PBX1: variants seen among roughly 807,000 people sequenced by gnomAD.
PBX1 encodes pre-B-cell leukemia transcription factor 1.
In PBX1, 6 loss-of-function variants were observed where a neutral mutation model predicts 53.4. The observed-to-expected ratio is 0.11, with a 90% CI of 0.06 to 0.22. The LOEUF is 0.22. PBX1 is among the 10% of genes least tolerant of loss of function. PBX1 has a pLI of 1.00. For synonymous variants in PBX1, 204 were observed against 212.3 expected, an observed-to-expected ratio of 0.96 and a Z score of 0.34; for missense variants, 251 against 551.4, an observed-to-expected ratio of 0.46 and a Z score of 5.46.
intron 2 of PBX1, among the ~76,000 whole-genome samples, chr1:164,640,388 G>C (rs35910159): frequency 0.015 from 2,231 of 152,152 alleles, 60 homozygotes; most frequent in African/African-American, 0.051. Context: ...CTCAGAACAA[G>C]GTAGGTCAGG....
At chr1:164,841,609 A>G (rs1479073750) in intron 8 of PBX1, among the ~76,000 whole-genome samples, 2 of 152,146 alleles carry the variant, frequency 1.3e-5, no homozygotes, top group African/African-American at 4.8e-5. Context: ...GGGCTTTCCA[A>G]TAGCATCTTT....
intron 2 of PBX1, chr1:164,625,833 AC>A: frequency 6.7e-6 from 4 of 593,276 alleles, no homozygotes; most frequent in East Asian, 8.2e-5. Flanking sequence ...AAGAAAAAAA[AC>A]ACCTTACATG....
At chr1:164,838,074 G>T (rs1671125065) in intron 8 of PBX1, among the ~76,000 whole-genome samples, 1 of 152,226 alleles carries the variant, frequency 6.6e-6, no homozygotes, top group South Asian at 2.1e-4. Context: ...GCATTAGGAT[G>T]TTGGCAGGAG....
At chr1:164,719,715 C>T (rs1273059386) in intron 2 of PBX1, among the ~76,000 whole-genome samples, 1 of 152,142 alleles carries the variant, frequency 6.6e-6, no homozygotes, top group Non-Finnish European at 1.5e-5. Context: ...CATTGGCACA[C>T]TCTTTCTGTC....
At chr1:164,873,623 T>C (rs1435057500) in intron 2 of PBX1, among the ~76,000 whole-genome samples, 1 of 152,196 alleles carries the variant, frequency 6.6e-6, no homozygotes, top group East Asian at 1.9e-4. Flanking sequence ...TAGGGGTTGG[T>C]GGTGACACCT....
At chr1:164,689,381 A>C (rs1388661360) in intron 2 of PBX1, among the ~76,000 whole-genome samples, 1 of 150,652 alleles carries the variant, frequency 6.6e-6, no homozygotes, top group African/African-American at 2.4e-5. Flanking sequence ...TGTATCTAGG[A>C]CATTAATATG....
chr1:164,819,977 GT>G (rs1670073320), intron 6 of PBX1, 94 bp from the exon 7 acceptor site: 2 of 705,172 alleles, frequency 2.8e-6, no homozygotes, highest in African/African-American at 3.6e-5. Flanking sequence ...TTTGGGGGGG[GT>G]TGCTTTGCAT....
chr1:164,652,021 G>C (rs1172605839), intron 2 of PBX1: 1 of 151,204 alleles, frequency 6.6e-6, no homozygotes, highest in African/African-American at 2.4e-5. Flanking sequence ...GCTCTGATCA[G>C]CTGTGGAAAT....
intron 2 of PBX1, among the ~76,000 whole-genome samples, chr1:164,884,369 C>T (rs2102469264): frequency 6.6e-6 from 1 of 152,224 alleles, no homozygotes; most frequent in Non-Finnish European, 1.5e-5. Context: ...CCTTTTTCTT[C>T]TTCTCCTATT....
chr1:164,588,126 AC>A (rs1655079660), intron 2 of PBX1, among the ~76,000 whole-genome samples: 1 of 152,178 alleles, frequency 6.6e-6, no homozygotes, highest in African/African-American at 2.4e-5. Flanking sequence ...AAGCAAGGAT[AC>A]CCATCGCAGG....
chr1:164,719,961 G>A (rs1328439807), intron 2 of PBX1, among the ~76,000 whole-genome samples: 1 of 152,084 alleles, frequency 6.6e-6, no homozygotes, highest in Non-Finnish European at 1.5e-5. Flanking sequence ...GAAATCCCAC[G>A]CTGACCTTTT....
At chr1:164,760,026 C>A (rs898643927) in intron 2 of PBX1, among the ~76,000 whole-genome samples, 29 of 152,212 alleles carry the variant, frequency 1.9e-4, no homozygotes, top group Admixed American at 1.3e-4. Context: ...GCCACACGTG[C>A]TTTCTCCTCC....
At chr1:164,576,041 G>A (rs1259835832) in intron 2 of PBX1, among the ~76,000 whole-genome samples, 1 of 152,232 alleles carries the variant, frequency 6.6e-6, no homozygotes, top group East Asian at 1.9e-4. Context: ...AGAGATGAGA[G>A]AGCATGTTCG....
At chr1:164,574,429 A>C (rs1571247042) in intron 2 of PBX1, among the ~76,000 whole-genome samples, 1 of 152,170 alleles carries the variant, frequency 6.6e-6, no homozygotes, top group Non-Finnish European at 1.5e-5. Flanking sequence ...AGAGCCTCTG[A>C]TCTGACTCCA....
At chr1:164,843,067 T>C (rs970689118) in intron 8 of PBX1, among the ~76,000 whole-genome samples, 1 of 152,032 alleles carries the variant, frequency 6.6e-6, no homozygotes, top group African/African-American at 2.4e-5. Flanking sequence ...GTAAGCGAGG[T>C]CAGCTGTTTC....
chr1:164,810,402 C>T (rs182544923), intron 5 of PBX1, among the ~76,000 whole-genome samples: 1 of 152,326 alleles, frequency 6.6e-6, no homozygotes, highest in Admixed American at 6.5e-5. Context: ...CTAGCACCTT[C>T]CTACCAGTTC....
chr1:164,856,574 C>A (rs1449141358), downstream of PBX1, among the ~76,000 whole-genome samples: 1 of 152,140 alleles, frequency 6.6e-6, no homozygotes, highest in African/African-American at 2.4e-5. Flanking sequence ...TTCCCAGGAG[C>A]ACACACCCAG....
intron 8 of PBX1, among the ~76,000 whole-genome samples, chr1:164,836,062 T>C (rs1182197255): frequency 1.3e-5 from 2 of 152,184 alleles, no homozygotes; most frequent in Non-Finnish European, 2.9e-5. Context: ...GGCTTGTTTA[T>C]ATAGCCAGGT....
chr1:164,668,285 G>A (rs1330030838), intron 2 of PBX1, among the ~76,000 whole-genome samples: 2 of 152,098 alleles, frequency 1.3e-5, no homozygotes, highest in Non-Finnish European at 2.9e-5. Flanking sequence ...TAAGGGATGG[G>A]TATATTATGC....
Sources: gnomAD v4.1 joint callset for allele counts (sites outside exome capture counted in the v4.1 genomes callset) on GRCh38, gnomAD v4.1.1 for gene constraint, MANE v1.5 for transcripts, NCBI Gene and HGNC (gene_info 2026-07-23, HGNC 2026-07-21) for gene names.